DSCAML1: variants seen among roughly 807,000 people sequenced by gnomAD.
DSCAML1 encodes the protein DS cell adhesion molecule like 1.
DSCAML1 carries 38 observed loss-of-function variants against 200.5 expected under a neutral mutation model. The observed-to-expected ratio is 0.19, with a 90% CI of 0.15 to 0.25. The LOEUF (loss-of-function observed/expected upper bound fraction) is 0.25. Ranked by LOEUF, DSCAML1 falls within the 10% of genes least tolerant of loss-of-function variation. DSCAML1 has a pLI of 1.00. For synonymous variants in DSCAML1, 1,215 were observed against 1,165.0 expected (o/e 1.04, Z -0.87); for missense variants, 2,223 against 2,858.8 (o/e 0.78, Z 5.07).
chr11:117,772,351 A>G (rs1047042597), intron 3 of DSCAML1, among the ~76,000 whole-genome samples: 1 of 151,988 alleles, frequency 6.6e-6, no homozygotes, highest in South Asian at 2.1e-4. Context: ...ATGTCACAGG[A>G]CCCCTCTGGC....
At chr11:117,592,677 A>G (rs2051280941) in intron 3 of DSCAML1, among the ~76,000 whole-genome samples, 1 of 152,210 alleles carries the variant, frequency 6.6e-6, no homozygotes, top group Non-Finnish European at 1.5e-5. Context: ...CACATATTCA[A>G]TAACATAATC....
At chr11:117,653,192 G>A (rs897153941) in intron 3 of DSCAML1, among the ~76,000 whole-genome samples, 15 of 152,156 alleles carry the variant, frequency 9.9e-5, no homozygotes, top group Non-Finnish European at 1.5e-5. Context: ...GGGGTGGGGT[G>A]TGTGTGTAGG....
chr11:117,735,490 G>A (rs941435209), intron 3 of DSCAML1, among the ~76,000 whole-genome samples: 3 of 152,304 alleles, frequency 2.0e-5, no homozygotes, highest in African/African-American at 4.8e-5. Context: ...GAGGCTGGGC[G>A]GGGCAGGGGT....
intron 2 of DSCAML1, among the ~76,000 whole-genome samples, chr11:117,779,246 G>A (rs539677549): frequency 1.8e-4 from 27 of 152,132 alleles, no homozygotes; most frequent in Admixed American, 4.6e-4. Context: ...TTCCCAAAAC[G>A]TCAGTGCTTT....
At chr11:117,697,563 A>G (rs1038469982) in intron 3 of DSCAML1, among the ~76,000 whole-genome samples, 4 of 152,144 alleles carry the variant, frequency 2.6e-5, no homozygotes, top group Non-Finnish European at 5.9e-5. Context: ...CTTGCAGATG[A>G]AACTCTGTAC....
intron 1 of DSCAML1, among the ~76,000 whole-genome samples, chr11:117,811,209 T>C (rs58194500): frequency 0.11 from 17,326 of 152,158 alleles, 1,052 homozygotes; most frequent in Middle Eastern, 0.15. Flanking sequence ...TCATCAAATA[T>C]AAAACCCCAG....
intron 3 of DSCAML1, among the ~76,000 whole-genome samples, chr11:117,691,428 C>T (rs1215010161): frequency 6.6e-6 from 1 of 152,190 alleles, no homozygotes; most frequent in Non-Finnish European, 1.5e-5. Context: ...ATGTATAATT[C>T]TGCCATTTAC....
intron 3 of DSCAML1, among the ~76,000 whole-genome samples, chr11:117,660,252 AG>A (rs1258017029): frequency 6.6e-6 from 1 of 152,118 alleles, no homozygotes; most frequent in African/African-American, 2.4e-5. Context: ...AAACCACCAA[AG>A]GCCCGCCCCT....
chr11:117,502,192 C>T (rs1195530855), intron 11 of DSCAML1, among the ~76,000 whole-genome samples: 2 of 152,168 alleles, frequency 1.3e-5, no homozygotes, highest in Admixed American at 6.5e-5. Flanking sequence ...GCCTGAGGCA[C>T]GTGGGGTCCC....
chr11:117,801,487 TAAAC>T (rs1018749396), upstream of DSCAML1: 2 of 152,192 alleles, frequency 1.3e-5, no homozygotes, highest in African/African-American at 4.8e-5. Context: ...TTACACAAAA[TAAAC>T]AGTTTTGGCT....
intron 1 of DSCAML1, among the ~76,000 whole-genome samples, chr11:117,805,646 G>A (rs1229301496): frequency 1.3e-5 from 2 of 152,124 alleles, no homozygotes; most frequent in African/African-American, 4.8e-5. Flanking sequence ...CACTTCTCCT[G>A]GTTAAAAACT....
chr11:117,617,678 A>ACG (rs879895448), intron 3 of DSCAML1, among the ~76,000 whole-genome samples: 1,066 of 106,026 alleles, frequency 0.01, 7 homozygotes, highest in African/African-American at 0.027. Flanking sequence ...ACACAGGTAC[A>ACG]CGCACACACA....
At chr11:117,796,069 C>G (rs1258487562) in intron 1 of DSCAML1, among the ~76,000 whole-genome samples, 3 of 152,248 alleles carry the variant, frequency 2.0e-5, no homozygotes, top group Admixed American at 6.5e-5. Flanking sequence ...TCTGCGATAG[C>G]CTGGAACCCA....
intron 3 of DSCAML1, among the ~76,000 whole-genome samples, chr11:117,568,673 C>G (rs1032280402): frequency 4.3e-4 from 66 of 152,150 alleles, no homozygotes; most frequent in East Asian, 1.9e-3. Context: ...GGGACATGAA[C>G]GACCTCTTCA....
intron 3 of DSCAML1, among the ~76,000 whole-genome samples, chr11:117,592,938 C>T (rs2051286388): frequency 6.6e-6 from 1 of 152,242 alleles, no homozygotes; most frequent in Non-Finnish European, 1.5e-5. Flanking sequence ...AACACCACTG[C>T]CATGTGTAAG....
At chr11:117,691,021 C>T (rs998969078) in intron 3 of DSCAML1, among the ~76,000 whole-genome samples, 1 of 152,142 alleles carries the variant, frequency 6.6e-6, no homozygotes, top group Non-Finnish European at 1.5e-5. Flanking sequence ...TTCGAGATTA[C>T]AAAGGACAGG....
rs980360402 is a variant in DSCAML1 at position 117,531,591 on chromosome 11, T to G, written c.658+785A>C. Among the ~76,000 whole-genome samples, 5 of 152,110 alleles carry G rather than the reference T, an allele frequency of 3.3e-5. No individual in the cohort carries two copies. The East Asian group carries it at 9.6e-4, about 29-fold the overall frequency. ...GATACATATGTACTCATTGATCAGA[T>G]AGAATCCTCAGGCCGGGCGCAGTGG... On this transcript the variant is annotated intron_variant, in intron 4 of 32. Coordinates refer to ENST00000651296, the MANE Select transcript of DSCAML1 (RefSeq NM_020693.4).
chr11:117,699,077 GTT>G (rs2053628503), intron 3 of DSCAML1, among the ~76,000 whole-genome samples: 1 of 152,210 alleles, frequency 6.6e-6, no homozygotes, highest in Non-Finnish European at 1.5e-5. Context: ...AGCTGCCTGG[GTT>G]ACATCCCTCC....
At chr11:117,696,201 C>G (rs1231387781) in intron 3 of DSCAML1, among the ~76,000 whole-genome samples, 1 of 152,184 alleles carries the variant, frequency 6.6e-6, no homozygotes, top group Admixed American at 6.5e-5. Context: ...CGGGGTACAG[C>G]TGCCTCGAGT....
Sources: allele counts gnomAD v4.1 joint callset (sites outside exome capture counted in the v4.1 genomes callset), GRCh38; gene constraint gnomAD v4.1.1; transcripts MANE v1.5; gene names NCBI Gene and HGNC (gene_info 2026-07-23, HGNC 2026-07-21).